The following CD226 variants were observed in gnomAD, a reference collection of about 807,000 sequenced individuals.
The protein encoded by CD226 is CD226 antigen.
In CD226, 24 loss-of-function variants were observed where a neutral mutation model predicts 34.9. The ratio of observed to expected loss-of-function variants is 0.69; its 90% CI spans 0.50 to 0.97. CD226 has a LOEUF of 0.97. Ranked by LOEUF, CD226 falls within the 50% of genes least tolerant of loss-of-function variation. The pLI is 0.00. For synonymous variants in CD226, 148 were observed against 147.4 expected (o/e 1.00, Z -0.03); for missense variants, 397 against 412.7 (o/e 0.96, Z 0.33).
At chr18:69,917,550 C>T (rs1391097174) in intron 2 of CD226, among the ~76,000 whole-genome samples, 1 of 152,184 alleles carries the variant, frequency 6.6e-6, no homozygotes, top group East Asian at 1.9e-4. Flanking sequence ...AGTGCTGCTC[C>T]TAAGATATGC....
rs201753795 is a variant in CD226, at chr18:69,915,882, C to CA, written c.383-19838dup. Among the ~76,000 whole-genome samples the CA allele has an allele frequency of 4.6e-4, 70 of 152,022 alleles. 4 individuals carry two copies. The East Asian group carries it at 0.013, about 29-fold the overall frequency. ...TTTGTCTTTTAAAAGCAAAACAAAA[C>CA]AAAAAAGCCATAAAATTTGGGGATC... is the stretch of plus-strand genomic sequence containing the variant. On this transcript the variant is annotated intron_variant, in intron 2 of 5. Coordinates refer to ENST00000582621, the MANE Select transcript of CD226 (RefSeq NM_001303618.2).
chr18:69,895,688 G>A lies in CD226; in HGVS notation c.727+13C>T. 6.3e-7 allele frequency: 1 copy of A among 1,594,144 alleles called. No individual in the cohort carries two copies. Among genetic ancestry groups the A allele is most frequent in the South Asian group, 1.1e-5 (1 of 90,506 alleles). On this transcript the variant is annotated intron_variant, in intron 3 of 5. Transcript: ENST00000582621. Reference sequence around the variant, plus strand: ...CCATGTTTGATACCAGAAGATGTCTGGTGCTCACTCACCCTCGGCTACAGT... The same window carrying A: ...CCATGTTTGATACCAGAAGATGTCTAGTGCTCACTCACCCTCGGCTACAGT...
intron 4 of CD226, among the ~76,000 whole-genome samples, chr18:69,872,462 G>C (rs1983595027): frequency 6.6e-6 from 1 of 151,782 alleles, no homozygotes; most frequent in Non-Finnish European, 1.5e-5. Flanking sequence ...TGTTGCCCAG[G>C]CTGGACTCGA....
At chr18:69,936,698 G>T (rs544746813) in intron 2 of CD226, among the ~76,000 whole-genome samples, 3 of 152,214 alleles carry the variant, frequency 2.0e-5, no homozygotes, top group Admixed American at 2.0e-4. Context: ...ACCAGAATGG[G>T]CCTGAAGAGA....
chr18:69,950,366 T>A (rs80309401), upstream of CD226, among the ~76,000 whole-genome samples: 429 of 152,322 alleles, frequency 2.8e-3, 2 homozygotes, highest in African/African-American at 9.9e-3. Flanking sequence ...AACTTTTTCA[T>A]GCCCCCAGTC....
chr18:69,947,613 T>A lies in CD226; in HGVS notation c.-207A>T, dbSNP rs2055809757. 1 of 405,550 alleles carries A rather than the reference T, an allele frequency of 2.5e-6. No homozygotes were observed. Among genetic ancestry groups the A allele is most frequent in the Admixed American group, 4.4e-5 (1 of 22,582 alleles). The allele number at this position is 405,550 out of a possible 1,614,324, so 25.1% of individuals were successfully genotyped here. Reference sequence around the variant, plus strand: ...ATGAGGATGGGCAGATTTGAGTTTCTTCTCTCTCGGGGAACCAGTCGGCTT... The same window carrying A: ...ATGAGGATGGGCAGATTTGAGTTTCATCTCTCTCGGGGAACCAGTCGGCTT... On this transcript the variant is annotated 5_prime_UTR_variant, in exon 1 of 6. In the 5' UTR this introduces an upstream ATG that the reference lacks. Transcript: ENST00000582621.
chr18:69,940,151 A>G (rs1230670861), intron 2 of CD226, among the ~76,000 whole-genome samples: 3 of 152,174 alleles, frequency 2.0e-5, no homozygotes, highest in African/African-American at 7.2e-5. Flanking sequence ...TCTCCCTGCT[A>G]CCATGTGAAG....
intron 3 of CD226, among the ~76,000 whole-genome samples, chr18:69,877,072 C>A (rs1000642424): frequency 1.3e-5 from 2 of 152,010 alleles, no homozygotes; most frequent in African/African-American, 4.8e-5. Flanking sequence ...CCATGTTAGT[C>A]AGGCTGGTCT....
chr18:69,961,723 A>C (rs1372914849), upstream of CD226: 1 of 152,170 alleles, frequency 6.6e-6, no homozygotes, highest in Non-Finnish European at 1.5e-5. Context: ...AAGTACTTAC[A>C]CACACACCTT....
At chr18:69,875,450 C>G (rs1983806878) in intron 3 of CD226, among the ~76,000 whole-genome samples, 1 of 152,304 alleles carries the variant, frequency 6.6e-6, no homozygotes, top group South Asian at 2.1e-4. Context: ...TTTTTAATTT[C>G]TTGAGGAACC....
rs768112256 is a variant in CD226 at position 69,872,091 on chromosome 18, G to GTGTGTGT, written c.830+1052_830+1053insACACACA. Among the ~76,000 whole-genome samples the GTGTGTGT allele has an allele frequency of 5.8e-3, 541 of 93,736 alleles. 3 individuals carry two copies. Among genetic ancestry groups the GTGTGTGT allele is most frequent in the Middle Eastern group, 0.011 (2 of 180 alleles). The allele number at this position is 93,736 out of a possible 152,430, so 61.5% of individuals were successfully genotyped here. A position where few individuals can be genotyped will look rare whatever the true frequency, so the allele number is the denominator to read the frequency against. On this transcript the variant is annotated intron_variant, in intron 4 of 5. Coordinates refer to ENST00000582621, the MANE Select transcript of CD226 (RefSeq NM_001303618.2). ...GTGTGTGTGTGTGTGTGTGTGTGTG[G>GTGTGTGT]TGCATTTGGTAACATTACTGAAGGA...
chr18:69,858,067 C>T lies in CD226; in HGVS notation c.*6247G>A, dbSNP rs1363292136. Reference sequence around the variant, plus strand: ...TGTATACATGCGGATGATTAGTAAACCCTAATATCCAAATGCAATGTCAAT... The same window carrying T: ...TGTATACATGCGGATGATTAGTAAATCCTAATATCCAAATGCAATGTCAAT... On this transcript the variant is annotated 3_prime_UTR_variant, in exon 6 of 6. Transcript: ENST00000582621. The T allele has an allele frequency of 6.6e-6, 1 of 152,094 alleles. No homozygotes were observed. Among genetic ancestry groups the T allele is most frequent in the Non-Finnish European group, 1.5e-5 (1 of 68,028 alleles). The allele number at this position is 152,094 out of a possible 1,614,324, so 9.4% of individuals were successfully genotyped here. A position where few individuals can be genotyped will look rare whatever the true frequency, so the allele number is the denominator to read the frequency against.
rs1268753981 is a variant in CD226 at position 69,895,820 on chromosome 18, C to T, written c.608G>A (p.Arg203Lys). The T allele has an allele frequency of 1.2e-6, 2 of 1,614,084 alleles. No homozygotes were observed. Among genetic ancestry groups the T allele is most frequent in the East Asian group, 2.2e-5 (1 of 44,886 alleles). ...ATCGGGGATGACGATGACGCTCCAC[C>T]TTCCGTGGCTGCAGTTGCTCACTAT... ...RQIVSNCSHG[R>K]WSVIVIPDVT... The change falls in exon 3 of 6, where the codon AGG becomes AAG. Residue 203 changes from arginine (R) to lysine (K), a missense_variant. Coordinates refer to ENST00000582621, the MANE Select transcript of CD226 (RefSeq NM_001303618.2).
chr18:69,926,933 T>C (rs1375076122), intron 2 of CD226, among the ~76,000 whole-genome samples: 1 of 152,196 alleles, frequency 6.6e-6, no homozygotes. Context: ...AAACAATAGA[T>C]AGCAGGAATT....
intron 2 of CD226, among the ~76,000 whole-genome samples, chr18:69,943,123 C>T (rs903165376): frequency 2.6e-5 from 4 of 152,132 alleles, no homozygotes; most frequent in Non-Finnish European, 2.9e-5. Context: ...TGTTGTATTA[C>T]GGGAACATAT....
intron 1 of CD226, among the ~76,000 whole-genome samples, chr18:69,953,541 T>C (rs1184166135): frequency 6.6e-6 from 1 of 152,152 alleles, no homozygotes; most frequent in African/African-American, 2.4e-5. Context: ...GGAAAGCAGA[T>C]TGGTGATTTG....
At chr18:69,909,024 T>C (rs775020088) in intron 2 of CD226, among the ~76,000 whole-genome samples, 3 of 152,218 alleles carry the variant, frequency 2.0e-5, no homozygotes, top group African/African-American at 4.8e-5. Flanking sequence ...CAAGGAAGTA[T>C]TTTCTTACTC....
intron 1 of CD226, 108 bp from the exon 2 acceptor site, chr18:69,947,177 C>T: frequency 9.8e-7 from 1 of 1,020,648 alleles, no homozygotes; most frequent in Non-Finnish European, 1.5e-6. Flanking sequence ...TAAAGGCTGA[C>T]AGTTTCTGCC....
intron 2 of CD226, among the ~76,000 whole-genome samples, chr18:69,924,480 C>T (rs2055494812): frequency 6.8e-6 from 1 of 147,064 alleles, no homozygotes; most frequent in Non-Finnish European, 1.5e-5. Context: ...CAATAAAATG[C>T]AAATATTCTG....
Sources: gnomAD v4.1 joint callset for allele counts (sites outside exome capture counted in the v4.1 genomes callset) on GRCh38, gnomAD v4.1.1 for gene constraint, MANE v1.5 for transcripts, NCBI Gene and HGNC (gene_info 2026-07-23, HGNC 2026-07-21) for gene names.